CSGALNACT1: variants seen among roughly 807,000 people sequenced by gnomAD.
CSGALNACT1 encodes beta4GalNAcT-1.
Under a neutral mutation model 51.0 loss-of-function variants are expected in CSGALNACT1, and 52 were observed. The ratio of observed to expected loss-of-function variants is 1.02; its 90% CI spans 0.82 to 1.29. The LOEUF (loss-of-function observed/expected upper bound fraction) is 1.29, where lower values mean the gene tolerates loss of function less well. CSGALNACT1 is among the 50% of genes most tolerant of loss of function. The pLI is 0.00. For synonymous variants in CSGALNACT1, 341 were observed against 254.4 expected (o/e 1.34, Z -3.24); for missense variants, 935 against 679.2 (o/e 1.38, Z -4.19).
intron 3 of CSGALNACT1, among the ~76,000 whole-genome samples, chr8:19,511,114 C>T (rs960920362): frequency 1.3e-5 from 2 of 152,272 alleles, no homozygotes; most frequent in African/African-American, 4.8e-5. Context: ...GCAGAAAGGA[C>T]AGTGGCTTCA....
At chr8:19,454,687 A>C (rs2153809857) in intron 5 of CSGALNACT1, among the ~76,000 whole-genome samples, 1 of 152,214 alleles carries the variant, frequency 6.6e-6, no homozygotes, top group African/African-American at 2.4e-5. Context: ...TAAATAAATG[A>C]TTGCTAACAA....
At position 19,649,688 on chromosome 8, in the gene CSGALNACT1, C is replaced by G. The variant is rs17128792; in HGVS notation, c.-544+32785G>C. 4.3e-3 allele frequency among the ~76,000 whole-genome samples: 658 copies of G among 151,870 alleles called. 5 individuals carry two copies. The highest frequency in any genetic ancestry group is 0.015 in the African/African-American group (629 of 41,410). On this transcript the variant is annotated intron_variant, in intron 1 of 9. Coordinates refer to the CSGALNACT1 transcript ENST00000332246. Reference sequence around the variant, plus strand: ...ATCCATACACCCCAAAACCCACTATCAAGCCTACTGCCATGGGTGAGGGTT... The same window carrying G: ...ATCCATACACCCCAAAACCCACTATGAAGCCTACTGCCATGGGTGAGGGTT...
Position 19,450,318 on chromosome 8 carries a change from A to C in CSGALNACT1, c.851+8108T>G, listed in dbSNP as rs1489621450. On this transcript the variant is annotated intron_variant, in intron 5 of 9. Coordinates refer to ENST00000454498, the Ensembl canonical transcript of CSGALNACT1. ...AAGGAGGAGGAGGAATAGGAGGAGG[A>C]GGAGGAGAGGAAGAGGAAGAGTAAG... Among the ~76,000 whole-genome samples the C allele has an allele frequency of 2.0e-5, 3 of 150,496 alleles. No individual in the cohort carries two copies. The South Asian group carries it at 6.4e-4, about 32-fold the overall frequency.
intron 1 of CSGALNACT1, among the ~76,000 whole-genome samples, chr8:19,655,605 G>A (rs1172524408): frequency 1.3e-5 from 2 of 151,470 alleles, no homozygotes; most frequent in African/African-American, 2.4e-5. Flanking sequence ...TATTTGCAGA[G>A]ACAGAGTTTT....
intron 2 of CSGALNACT1, among the ~76,000 whole-genome samples, chr8:19,599,472 A>AAAAGAAAGAGAAAG (rs1554751250): frequency 8.8e-6 from 1 of 113,736 alleles, no homozygotes; most frequent in African/African-American, 3.6e-5. Flanking sequence ...GAAAGAAAGA[A>AAAAGAAAGAGAAAG]AAAGAAAGAA....
intron 1 of CSGALNACT1, among the ~76,000 whole-genome samples, chr8:19,676,370 C>G (rs2060190678): frequency 6.6e-6 from 1 of 152,088 alleles, no homozygotes; most frequent in South Asian, 2.1e-4. Context: ...AGCAGGGAAA[C>G]AGGAACTATA....
intron 1 of CSGALNACT1, among the ~76,000 whole-genome samples, chr8:19,698,395 G>A (rs2061687756): frequency 6.6e-6 from 1 of 152,198 alleles, no homozygotes; most frequent in Admixed American, 6.5e-5. Flanking sequence ...TTGCTCTCAT[G>A]GGAAAATAAA....
chr8:19,687,391 C>T (rs1481747398), upstream of CSGALNACT1, among the ~76,000 whole-genome samples: 1 of 152,150 alleles, frequency 6.6e-6, no homozygotes, highest in African/African-American at 2.4e-5. Context: ...AGTATAGCTG[C>T]TCCAAAAGAG....
rs147606276 is a variant in CSGALNACT1 at position 19,473,364 on chromosome 8, C to A, written c.635-14722G>T. Among the ~76,000 whole-genome samples the A allele has an allele frequency of 8.2e-3, 1,253 of 152,244 alleles. 14 individuals carry two copies. The highest frequency in any genetic ancestry group is 0.027 in the African/African-American group (1,134 of 41,538). On this transcript the variant is annotated intron_variant, in intron 4 of 9. Coordinates refer to ENST00000454498, the Ensembl canonical transcript of CSGALNACT1. ...TTACCATGACCTTTCATCTCCCCTC[C>A]CAATCATCTGTTCTAGTTGTAAAAC...
At position 19,478,388 on chromosome 8, in the gene CSGALNACT1, T is replaced by C. The variant is rs1394817040; in HGVS notation, c.635-19746A>G. Among the ~76,000 whole-genome samples the C allele has an allele frequency of 2.5e-5, 3 of 119,348 alleles. No individual in the cohort carries two copies. The East Asian group carries it at 8.2e-4, about 33-fold the overall frequency. 78.3% of individuals were successfully genotyped at this position (119,348 alleles called of 152,430 possible). A position where few individuals can be genotyped will look rare whatever the true frequency, so the allele number is the denominator to read the frequency against. On this transcript the variant is annotated intron_variant, in intron 4 of 9. Coordinates refer to ENST00000454498, the Ensembl canonical transcript of CSGALNACT1. ...GAGATCGCACCACTGCACTCCAGCC[T>C]GGGCGACAGAGCGAGACTCCGTCTC...
In CSGALNACT1 at chr8:19,575,367, A is replaced by T. The variant is rs556714839; in HGVS notation, c.-297+15793T>A. Among the ~76,000 whole-genome samples the T allele has an allele frequency of 3.0e-4, 45 of 152,348 alleles. 1 individual carries two copies. In the South Asian group the frequency reaches 9.1e-3, roughly 31 times the overall value. On this transcript the variant is annotated intron_variant, in intron 3 of 9. Coordinates refer to ENST00000454498, the Ensembl canonical transcript of CSGALNACT1. Reference sequence around the variant, plus strand: ...ATGAAAATAGTCCAGTATATACAGCACCACCTATTAAGTATTCTTGCCTAA... The same window carrying T: ...ATGAAAATAGTCCAGTATATACAGCTCCACCTATTAAGTATTCTTGCCTAA...
chr8:19,552,978 A>C (rs1193336094), intron 3 of CSGALNACT1, among the ~76,000 whole-genome samples: 1 of 152,132 alleles, frequency 6.6e-6, no homozygotes, highest in East Asian at 1.9e-4. Context: ...CACCCTGGAG[A>C]ACATAAGGAA....
chr8:19,741,715 C>T (rs1353987328), intron 1 of CSGALNACT1, among the ~76,000 whole-genome samples: 2 of 152,166 alleles, frequency 1.3e-5, no homozygotes, highest in Non-Finnish European at 2.9e-5. Context: ...ATTGCCAAAG[C>T]AACTTTCTAA....
intron 3 of CSGALNACT1, among the ~76,000 whole-genome samples, chr8:19,509,193 G>A (rs993766186): frequency 6.6e-6 from 1 of 152,126 alleles, no homozygotes. Flanking sequence ...GTAATCAAAC[G>A]CTTAAAAACT....
chr8:19,634,643 C>T (rs115007303), intron 1 of CSGALNACT1, among the ~76,000 whole-genome samples: 10,761 of 152,120 alleles, frequency 0.071, 1,269 homozygotes, highest in African/African-American at 0.24. Flanking sequence ...GCCTGGGCAA[C>T]AGAGTGAGAC....
At chr8:19,696,375 T>G (rs71510655) in intron 1 of CSGALNACT1, among the ~76,000 whole-genome samples, 3 of 152,190 alleles carry the variant, frequency 2.0e-5, no homozygotes, top group African/African-American at 7.2e-5. Context: ...GATATAAGCA[T>G]GAATTAAAGG....
At position 19,498,021 on chromosome 8, in the gene CSGALNACT1, T is replaced by C. The variant is rs181133968; in HGVS notation, c.634+7180A>G. On this transcript the variant is annotated intron_variant, in intron 4 of 9. Coordinates refer to ENST00000454498, the Ensembl canonical transcript of CSGALNACT1. ...ATTGATGTCTCATGTCTCCCTAAAA[T>C]GTATAAAGCCAAACTGTGCCCTGAC... Among the ~76,000 whole-genome samples, 21 of 152,262 alleles carry C rather than the reference T, an allele frequency of 1.4e-4. No individual in the cohort carries two copies. The East Asian group carries it at 4.1e-3, about 29-fold the overall frequency.
chr8:19,669,070 CAG>C (rs1391691781), intron 1 of CSGALNACT1, among the ~76,000 whole-genome samples: 1 of 152,186 alleles, frequency 6.6e-6, no homozygotes, highest in Non-Finnish European at 1.5e-5. Flanking sequence ...CAAAAGGTCT[CAG>C]ATACAGCAGG....
At chr8:19,572,534 G>C (rs763835395) in intron 3 of CSGALNACT1, among the ~76,000 whole-genome samples, 69 of 152,306 alleles carry the variant, frequency 4.5e-4, no homozygotes, top group Non-Finnish European at 8.4e-4. Context: ...TCCTTGGCCA[G>C]CAAATAAACC....
Sources: gnomAD v4.1 joint callset for allele counts (sites outside exome capture counted in the v4.1 genomes callset) on GRCh38, gnomAD v4.1.1 for gene constraint, MANE v1.5 for transcripts, NCBI Gene and HGNC (gene_info 2026-07-23, HGNC 2026-07-21) for gene names.